Variants in LRRTM3 observed in about 807,000 individuals in gnomAD.
The protein encoded by LRRTM3 is leucine-rich repeat transmembrane neuronal protein 3.
In LRRTM3, 24 loss-of-function variants were observed where a neutral mutation model predicts 44.7. The ratio of observed to expected loss-of-function variants is 0.54; its 90% CI spans 0.39 to 0.76. The LOEUF is 0.76. Among genes scored for constraint, LRRTM3 ranks in the 30% least tolerant of loss-of-function variants. The pLI is 0.00. For synonymous variants in LRRTM3, 277 were observed against 278.7 expected (o/e 0.99, Z 0.06); for missense variants, 587 against 702.2 (o/e 0.84, Z 1.85).
intron 2 of LRRTM3, among the ~76,000 whole-genome samples, chr10:67,045,498 AGGGAAC>A (rs1854676702): frequency 6.6e-6 from 1 of 152,104 alleles, no homozygotes; most frequent in Non-Finnish European, 1.5e-5. Context: ...GATCGCGGCG[AGGGAAC>A]TGTTCTGCTA....
chr10:67,055,492 T>C (rs1855368012), intron 2 of LRRTM3, among the ~76,000 whole-genome samples: 1 of 152,024 alleles, frequency 6.6e-6, no homozygotes, highest in African/African-American at 2.4e-5. Context: ...CAGACTAAGA[T>C]AATGAAAAAG....
chr10:66,980,994 C>T (rs1419037671), intron 2 of LRRTM3, among the ~76,000 whole-genome samples: 3 of 152,166 alleles, frequency 2.0e-5, no homozygotes. Flanking sequence ...CCAACCTCCA[C>T]CTCCCGGGTT....
At chr10:66,965,704 T>C (rs188388066) in intron 2 of LRRTM3, among the ~76,000 whole-genome samples, 4 of 152,160 alleles carry the variant, frequency 2.6e-5, no homozygotes, top group African/African-American at 9.6e-5. Flanking sequence ...AGCCTTTCCC[T>C]GAATTTTTCT....
chr10:67,053,759 C>G (rs977975346), intron 2 of LRRTM3, among the ~76,000 whole-genome samples: 5 of 152,124 alleles, frequency 3.3e-5, no homozygotes, highest in African/African-American at 4.8e-5. Flanking sequence ...GAAACGAATT[C>G]TGCTAAAGGA....
At chr10:66,974,419 T>C (rs537790412) in intron 2 of LRRTM3, among the ~76,000 whole-genome samples, 7 of 152,330 alleles carry the variant, frequency 4.6e-5, no homozygotes, top group Admixed American at 3.9e-4. Flanking sequence ...GATGGACATT[T>C]AGGTTGCCTC....
At chr10:66,966,798 C>T (rs571139663) in intron 2 of LRRTM3, among the ~76,000 whole-genome samples, 1 of 152,122 alleles carries the variant, frequency 6.6e-6, no homozygotes, top group South Asian at 2.1e-4. Flanking sequence ...AAAAAAACAA[C>T]ATGAATCAGT....
At chr10:66,936,999 G>C (rs1466656624) in intron 2 of LRRTM3, among the ~76,000 whole-genome samples, 1 of 152,162 alleles carries the variant, frequency 6.6e-6, no homozygotes, top group Non-Finnish European at 1.5e-5. Context: ...AGATTCCTCA[G>C]TATTTTTCTC....
intron 2 of LRRTM3, among the ~76,000 whole-genome samples, chr10:67,070,006 C>T (rs1430725606): frequency 6.6e-6 from 1 of 152,134 alleles, no homozygotes; most frequent in African/African-American, 2.4e-5. Flanking sequence ...TCCATTTATA[C>T]ACCCACTAGC....
At chr10:67,015,272 G>A (rs1395933351) in intron 2 of LRRTM3, 1 of 152,022 alleles carries the variant, frequency 6.6e-6, no homozygotes, top group Non-Finnish European at 1.5e-5. Flanking sequence ...TTTATCCATA[G>A]ATAGATTTGA....
At chr10:67,024,270 T>C (rs1250433007) in intron 2 of LRRTM3, among the ~76,000 whole-genome samples, 2 of 152,220 alleles carry the variant, frequency 1.3e-5, no homozygotes, top group Non-Finnish European at 2.9e-5. Context: ...AGTCATCTCA[T>C]TGTGTTCTCG....
At chr10:67,038,107 G>A (rs1854176215) in intron 2 of LRRTM3, among the ~76,000 whole-genome samples, 1 of 152,022 alleles carries the variant, frequency 6.6e-6, no homozygotes, top group Admixed American at 6.6e-5. Context: ...TAATAGTACT[G>A]TTTATATGAG....
At chr10:66,970,509 G>GGGT (rs894279706) in intron 2 of LRRTM3, among the ~76,000 whole-genome samples, 2 of 137,746 alleles carry the variant, frequency 1.5e-5, no homozygotes, top group Admixed American at 7.6e-5. Flanking sequence ...GGGTGGGGGG[G>GGGT]GGATACAATT....
At chr10:67,031,625 T>C (rs770215064) in intron 2 of LRRTM3, among the ~76,000 whole-genome samples, 1 of 152,162 alleles carries the variant, frequency 6.6e-6, no homozygotes, top group Non-Finnish European at 1.5e-5. Context: ...AACTTAAGTG[T>C]TGGAGGTTTG....
At chr10:67,013,403 TCAAA>T (rs34796208) in intron 2 of LRRTM3, among the ~76,000 whole-genome samples, 3,712 of 152,278 alleles carry the variant, frequency 0.024, 154 homozygotes, top group African/African-American at 0.08. Context: ...AATAATAACT[TCAAA>T]CAATCATTGT....
intron 2 of LRRTM3, among the ~76,000 whole-genome samples, chr10:67,047,213 C>G (rs1486862559): frequency 1.3e-5 from 2 of 152,016 alleles, no homozygotes; most frequent in African/African-American, 2.4e-5. Flanking sequence ...TTTTCTGGAG[C>G]CTTATGGGAG....
At chr10:67,001,893 A>C (rs1012836159) in intron 2 of LRRTM3, among the ~76,000 whole-genome samples, 1 of 152,158 alleles carries the variant, frequency 6.6e-6, no homozygotes, top group East Asian at 1.9e-4. Flanking sequence ...TCATTCCTAA[A>C]ACACATTTGC....
At chr10:66,958,689 C>T (rs1446605211) in intron 2 of LRRTM3, among the ~76,000 whole-genome samples, 2 of 152,050 alleles carry the variant, frequency 1.3e-5, no homozygotes, top group Non-Finnish European at 2.9e-5. Flanking sequence ...TGTTAAAATT[C>T]CAGCACCAGA....
chr10:67,009,764 AT>A (rs1232444732), intron 2 of LRRTM3, among the ~76,000 whole-genome samples: 1 of 152,080 alleles, frequency 6.6e-6, no homozygotes, highest in Non-Finnish European at 1.5e-5. Flanking sequence ...TTTTTACTCC[AT>A]TCCTCTGTCA....
At chr10:67,084,242 A>G (rs1220079039) in intron 2 of LRRTM3, among the ~76,000 whole-genome samples, 2 of 151,744 alleles carry the variant, frequency 1.3e-5, no homozygotes, top group East Asian at 3.9e-4. Context: ...GTTATCCTCA[A>G]ATGGTTGGCA....
Sources: gnomAD v4.1 joint callset for allele counts (sites outside exome capture counted in the v4.1 genomes callset) on GRCh38, gnomAD v4.1.1 for gene constraint, MANE v1.5 for transcripts, NCBI Gene and HGNC (gene_info 2026-07-23, HGNC 2026-07-21) for gene names.